Variants in IPO5 observed in about 807,000 individuals in gnomAD.
IPO5 encodes the protein importin-5.
A neutral mutation model predicts 143.3 loss-of-function variants in IPO5; 18 were observed. The ratio of observed to expected loss-of-function variants is 0.13; its 90% CI spans 0.09 to 0.19. IPO5 has a LOEUF of 0.19. Ranked by LOEUF, IPO5 falls within the 10% of genes least tolerant of loss-of-function variation. The pLI, the probability that IPO5 is intolerant of heterozygous loss-of-function variation, is 1.00. For synonymous variants in IPO5, 477 were observed against 465.7 expected, an observed-to-expected ratio of 1.02 and a Z score of -0.31; for missense variants, 1,013 against 1,336.9, an observed-to-expected ratio of 0.76 and a Z score of 3.78.
intron 11 of IPO5, 92 bp downstream of exon 11, chr13:97,993,317 G>T: frequency 9.7e-7 from 1 of 1,031,852 alleles, no homozygotes; most frequent in African/African-American, 1.6e-5. Flanking sequence ...AGATTGTTGA[G>T]AATATAATGA....
chr13:97,957,816 AAGT>A (rs1182291688), intron 2 of IPO5, among the ~76,000 whole-genome samples: 1 of 152,044 alleles, frequency 6.6e-6, no homozygotes, highest in Non-Finnish European at 1.5e-5. Flanking sequence ...AAGATTTCAG[AAGT>A]AGATCAGTGG....
chr13:97,994,828 G>A lies in IPO5; in HGVS notation c.913+1603G>A, dbSNP rs1888108417. Reference sequence around the variant, plus strand: ...CAAAGCCATTTTTAAAAAGATAATTGATCAAAAGTTCTTGGGGCCAGGCAT... The same window carrying A: ...CAAAGCCATTTTTAAAAAGATAATTAATCAAAAGTTCTTGGGGCCAGGCAT... On this transcript the variant is annotated intron_variant, in intron 11 of 28. Coordinates refer to ENST00000651721, the MANE Select transcript of IPO5 (RefSeq NM_002271.6). Among the ~76,000 whole-genome samples the A allele has an allele frequency of 2.0e-5, 3 of 152,104 alleles. 1 individual carries two copies. In the South Asian group the frequency reaches 6.2e-4, roughly 32 times the overall value.
At chr13:97,976,668 C>T (rs779662692) in intron 3 of IPO5, 25 bp from the exon 4 acceptor site, 16 of 1,233,394 alleles carry the variant, frequency 1.3e-5, no homozygotes, top group African/African-American at 8.1e-5. Flanking sequence ...CCTGTCTCCC[C>T]TCCCTCCTTC....
chr13:97,990,572 T>G (rs752222981), intron 9 of IPO5, 35 bp downstream of exon 9: 2 of 1,233,552 alleles, frequency 1.6e-6, no homozygotes, highest in South Asian at 2.7e-5. Flanking sequence ...CATAATTATA[T>G]CTTATTTGGT....
At chr13:98,012,590 A>G (rs1365260321) in intron 21 of IPO5, among the ~76,000 whole-genome samples, 1 of 152,166 alleles carries the variant, frequency 6.6e-6, no homozygotes, top group Non-Finnish European at 1.5e-5. Context: ...GGATTTAAGG[A>G]TAATTAGCAA....
intron 13 of IPO5, 127 bp downstream of exon 13, chr13:98,000,772 AT>A: frequency 1.6e-6 from 1 of 644,186 alleles, no homozygotes; most frequent in Non-Finnish European, 2.7e-6. Flanking sequence ...AACCCAATTC[AT>A]TTATTTTACC....
chr13:97,958,715 C>T (rs553017518), intron 2 of IPO5, among the ~76,000 whole-genome samples: 6 of 151,638 alleles, frequency 4.0e-5, no homozygotes, highest in African/African-American at 9.7e-5. Context: ...CATCTAAAAC[C>T]GACCACACAA....
chr13:97,958,083 A>G lies in IPO5; in HGVS notation c.-113+3885A>G, dbSNP rs188976414. 5.8e-4 allele frequency among the ~76,000 whole-genome samples: 88 copies of G among 152,298 alleles called. 1 individual carries two copies. The highest frequency in any genetic ancestry group is 2.0e-3 in the Admixed American group (30 of 15,282). On this transcript the variant is annotated intron_variant, in intron 2 of 28. Coordinates refer to ENST00000651721, the MANE Select transcript of IPO5 (RefSeq NM_002271.6). The stretch of plus-strand genomic sequence containing the variant: ...TGACTAATGTTAAATATACTATTAT[A>G]TTTGGACTATATATAAACTAGAAAC...
intron 4 of IPO5, among the ~76,000 whole-genome samples, chr13:97,977,613 C>T (rs552649126): frequency 4.6e-5 from 7 of 152,100 alleles, no homozygotes; most frequent in Admixed American, 2.0e-4. Flanking sequence ...TTCAAACCAC[C>T]TCTTGTTCCT....
chr13:98,008,173 C>G, intron 18 of IPO5, 31 bp downstream of exon 18: 2 of 1,291,614 alleles, frequency 1.5e-6, no homozygotes, highest in Non-Finnish European at 2.3e-6. Context: ...TGCTTTGATC[C>G]GCTAATGAGT....
chr13:97,973,014 A>ATCT (rs1885950986), intron 3 of IPO5, among the ~76,000 whole-genome samples: 3 of 145,692 alleles, frequency 2.1e-5, no homozygotes, highest in Non-Finnish European at 4.6e-5. Context: ...TTTATGGAAT[A>ATCT]TCTTAGTTAT....
chr13:97,976,440 T>A (rs1886318826), intron 3 of IPO5: 1 of 150,850 alleles, frequency 6.6e-6, no homozygotes, highest in Middle Eastern at 3.2e-3. Flanking sequence ...CGAGGAGGCG[T>A]CCTCGGCCCC....
At position 97,985,494 on chromosome 13, in the gene IPO5, C is replaced by T. The variant is rs890274379; in HGVS notation, c.245C>T (p.Pro82Leu). 1 of 1,613,900 alleles carries T rather than the reference C, an allele frequency of 6.2e-7. No individual in the cohort carries two copies. Among genetic ancestry groups the T allele is most frequent in the South Asian group, 1.1e-5 (1 of 91,068 alleles). Residue 82 changes from proline to leucine, a missense_variant, in exon 6 of 29, where the codon CCC becomes CTC. Physicochemically the swap from Pro to Leu is moderately conservative, Grantham distance 98. Around this residue, in one of 2 missense-constraint regions of IPO5, gnomAD observed 328 missense variants for 342.0 expected, o/e 0.96. Transcript: ENST00000651721. ...TTTGATGAAGTCTATCCAGCACTTC[C>T]CTCTGATGTTCAGACTGCCATCAAG... ...SAFDEVYPAL[P>L]SDVQTAIKSE...
At chr13:97,966,564 T>C (rs925561551) in intron 2 of IPO5, among the ~76,000 whole-genome samples, 3 of 152,318 alleles carry the variant, frequency 2.0e-5, no homozygotes, top group South Asian at 4.1e-4. Context: ...TATTGGTCTA[T>C]AGTTTTTTTT....
chr13:97,979,914 T>G (rs2139624194), intron 4 of IPO5: 1 of 456,736 alleles, frequency 2.2e-6, no homozygotes, highest in East Asian at 6.9e-5. Flanking sequence ...AAAAGTCATG[T>G]GTCCCCTCTT....
chr13:97,979,762 C>A (rs1035863734), intron 4 of IPO5: 4 of 402,144 alleles, frequency 9.9e-6, no homozygotes, highest in African/African-American at 8.3e-5. Context: ...GAACTCCTGG[C>A]CTCAAGTGAT....
chr13:98,006,585 A>G (rs544900187), intron 17 of IPO5, among the ~76,000 whole-genome samples: 22 of 151,746 alleles, frequency 1.4e-4, no homozygotes, highest in Non-Finnish European at 2.7e-4. Flanking sequence ...TGTGTTAGCC[A>G]GGATGGTCTC....
chr13:97,990,334 G>C, intron 8 of IPO5, 99 bp from the exon 9 acceptor site: 2 of 1,159,646 alleles, frequency 1.7e-6, no homozygotes. Context: ...ACAAACACCA[G>C]TTTTACTGAT....
chr13:97,998,679 CT>C (rs1453063994), intron 12 of IPO5, among the ~76,000 whole-genome samples: 8 of 152,182 alleles, frequency 5.3e-5, no homozygotes, highest in Non-Finnish European at 1.5e-5. Flanking sequence ...AGCTCTGTTA[CT>C]TTAATCAACT....
Sources: allele counts gnomAD v4.1 joint callset (sites outside exome capture counted in the v4.1 genomes callset), GRCh38; gene constraint gnomAD v4.1.1; regional missense constraint gnomAD v4.1.1; transcripts MANE v1.5; gene names NCBI Gene and HGNC (gene_info 2026-07-23, HGNC 2026-07-21).